Variants in PIGU observed in about 807,000 individuals in gnomAD.
PIGU encodes the protein GPI-anchor transamidase component PIGU.
Under a neutral mutation model 49.9 loss-of-function variants are expected in PIGU, and 24 were observed. The observed-to-expected ratio is 0.48, with a 90% CI of 0.35 to 0.68. The LOEUF (loss-of-function observed/expected upper bound fraction) is 0.68. Ranked by LOEUF, PIGU falls within the 30% of genes least tolerant of loss-of-function variation. The pLI, the probability that PIGU is intolerant of heterozygous loss-of-function variation, is 0.01. For missense variants in PIGU, 490 were observed against 532.6 expected, an observed-to-expected ratio of 0.92 and a Z score of 0.79; for synonymous variants, 220 against 205.7, an observed-to-expected ratio of 1.07 and a Z score of -0.59.
intron 6 of PIGU, among the ~76,000 whole-genome samples, chr20:34,633,569 A>C (rs981688308): frequency 6.6e-6 from 1 of 151,638 alleles, no homozygotes; most frequent in African/African-American, 2.4e-5. Flanking sequence ...CAAAGAGCTA[A>C]ATTTTTTTTT....
chr20:34,665,019 G>A (rs900012623), intron 1 of PIGU, among the ~76,000 whole-genome samples: 8 of 151,692 alleles, frequency 5.3e-5, no homozygotes, highest in Admixed American at 1.3e-4. Flanking sequence ...CATAAACTCA[G>A]AATATTTTTT....
intron 6 of PIGU, among the ~76,000 whole-genome samples, chr20:34,630,665 T>C (rs375588053): frequency 6.6e-6 from 1 of 151,872 alleles, no homozygotes; most frequent in Non-Finnish European, 1.5e-5. Flanking sequence ...ATTATTATTA[T>C]TTTTTTTACA....
At chr20:34,656,680 C>T (rs745879193) in intron 2 of PIGU, among the ~76,000 whole-genome samples, 10 of 150,410 alleles carry the variant, frequency 6.6e-5, no homozygotes, top group African/African-American at 9.8e-5. Flanking sequence ...GTAGGAGGAT[C>T]GCTTGAGCCC....
At chr20:34,570,525 C>G (rs1283084009) in intron 11 of PIGU, among the ~76,000 whole-genome samples, 1 of 151,950 alleles carries the variant, frequency 6.6e-6, no homozygotes, top group Non-Finnish European at 1.5e-5. Flanking sequence ...AGCAATTCTT[C>G]TACCTCAGCC....
intron 1 of PIGU, among the ~76,000 whole-genome samples, chr20:34,676,330 T>C (rs1987496029): frequency 6.6e-6 from 1 of 152,214 alleles, no homozygotes; most frequent in Admixed American, 6.6e-5. Context: ...TCATGAATTA[T>C]TATAACGATT....
chr20:34,656,525 G>A (rs554564893), intron 2 of PIGU, among the ~76,000 whole-genome samples: 33 of 149,288 alleles, frequency 2.2e-4, no homozygotes, highest in African/African-American at 8.1e-4. Flanking sequence ...CTCGTGATCC[G>A]CCCACTTCGG....
chr20:34,599,816 C>T (rs955224670), intron 7 of PIGU, among the ~76,000 whole-genome samples: 7 of 152,158 alleles, frequency 4.6e-5, no homozygotes, highest in Non-Finnish European at 1.0e-4. Flanking sequence ...ATCTGACCAA[C>T]GTTATGGCCC....
At chr20:34,604,248 A>G (rs2051009921) in intron 7 of PIGU, among the ~76,000 whole-genome samples, 1 of 152,182 alleles carries the variant, frequency 6.6e-6, no homozygotes, top group African/African-American at 2.4e-5. Flanking sequence ...ACTGCTTCAG[A>G]AAAACCCCAG....
chr20:34,623,237 T>C (rs1321312304), intron 6 of PIGU, among the ~76,000 whole-genome samples: 1 of 151,344 alleles, frequency 6.6e-6, no homozygotes, highest in Non-Finnish European at 1.5e-5. Flanking sequence ...GAAAAGGAAG[T>C]TGCACCAGGG....
In PIGU at chr20:34,613,753, A is replaced by T. The variant is rs1984906293; in HGVS notation, c.627+2289T>A. Among the ~76,000 whole-genome samples the T allele has an allele frequency of 2.0e-5, 3 of 152,240 alleles. No homozygotes were observed. The South Asian group carries it at 6.2e-4, about 31-fold the overall frequency. On this transcript the variant is annotated intron_variant, in intron 7 of 11. Transcript: ENST00000217446. ...ATGCTTCAACTCAGCAAGAATACAGAAAGAAAATCAAAGCAAAATAACTTC... is the reference window on the plus strand; with the variant it reads ...ATGCTTCAACTCAGCAAGAATACAGTAAGAAAATCAAAGCAAAATAACTTC...
intron 10 of PIGU, among the ~76,000 whole-genome samples, chr20:34,581,222 T>A (rs1983446367): frequency 6.6e-6 from 1 of 152,176 alleles, no homozygotes; most frequent in Admixed American, 6.5e-5. Context: ...TGGCTCTACC[T>A]TTCTGTACCT....
intron 7 of PIGU, among the ~76,000 whole-genome samples, chr20:34,589,899 A>G (rs1209807936): frequency 1.3e-5 from 2 of 151,266 alleles, no homozygotes; most frequent in Non-Finnish European, 2.9e-5. Context: ...CAGGTGATCT[A>G]CCCGCCTTGG....
At chr20:34,636,369 C>T (rs908153636) in intron 5 of PIGU, among the ~76,000 whole-genome samples, 34 of 151,876 alleles carry the variant, frequency 2.2e-4, no homozygotes, top group African/African-American at 7.5e-4. Flanking sequence ...ATGGTGAAAC[C>T]CCGTCTCTGC....
chr20:34,569,461 G>A (rs1351873401), intron 11 of PIGU, among the ~76,000 whole-genome samples: 1 of 152,138 alleles, frequency 6.6e-6, no homozygotes, highest in East Asian at 1.9e-4. Context: ...GAACTCCTAA[G>A]CTCAAGCGAT....
chr20:34,640,323 G>A (rs1189642056), intron 4 of PIGU, among the ~76,000 whole-genome samples: 1 of 152,194 alleles, frequency 6.6e-6, no homozygotes, highest in Non-Finnish European at 1.5e-5. Context: ...CAGCTTTCTA[G>A]TCTCCCTCAA....
chr20:34,601,125 T>G (rs1241414534), intron 7 of PIGU, among the ~76,000 whole-genome samples: 1 of 152,194 alleles, frequency 6.6e-6, no homozygotes, highest in Non-Finnish European at 1.5e-5. Flanking sequence ...ATCCCATTAG[T>G]GGCCCCCAAG....
intron 1 of PIGU, among the ~76,000 whole-genome samples, chr20:34,668,764 G>A (rs1987202339): frequency 7.0e-6 from 1 of 143,424 alleles, no homozygotes; most frequent in South Asian, 2.1e-4. Context: ...GCGAGACTCT[G>A]ACTCAAAAAA....
Position 34,585,432 on chromosome 20 carries a change from C to T in PIGU, c.926+5G>A, listed in dbSNP as rs1983659804. On this transcript the variant is annotated splice_donor_5th_base_variant and intron_variant, in intron 9 of 11. Coordinates refer to ENST00000217446, the MANE Select transcript of PIGU (RefSeq NM_080476.5). ...CACACAGCAGCAGCAGGTCCAGCCA[C>T]TTACTTTAGCTTTATGGCTAAGGGG... 6.2e-7 allele frequency: 1 copy of T among 1,613,998 alleles called. No individual in the cohort carries two copies. Among genetic ancestry groups the T allele is most frequent in the East Asian group, 2.2e-5 (1 of 44,888 alleles).
At chr20:34,563,285 C>T (rs559448235) in intron 11 of PIGU, among the ~76,000 whole-genome samples, 6 of 152,254 alleles carry the variant, frequency 3.9e-5, no homozygotes, top group East Asian at 1.9e-4. Flanking sequence ...AATAAAACTT[C>T]GGCGAGGTGC....
Sources: gnomAD v4.1 joint callset for allele counts (sites outside exome capture counted in the v4.1 genomes callset) on GRCh38, gnomAD v4.1.1 for gene constraint, MANE v1.5 for transcripts, NCBI Gene and HGNC (gene_info 2026-07-23, HGNC 2026-07-21) for gene names.